Variants in SOX5 observed in about 807,000 individuals in gnomAD.
SOX5 encodes SRY-box transcription factor 5, also known as transcription factor SOX-5.
Under a neutral mutation model 92.0 loss-of-function variants are expected in SOX5, and 9 were observed. The ratio of observed to expected loss-of-function variants is 0.10; its 90% confidence interval spans 0.06 to 0.17. SOX5 has a LOEUF of 0.17. Among genes scored for constraint, SOX5 ranks in the 10% least tolerant of loss-of-function variants. The probability of loss-of-function intolerance (pLI) is 1.00; values close to 1 mark genes in which losing one functional copy is unlikely to be tolerated. For synonymous variants in SOX5, 344 were observed against 336.3 expected, an observed-to-expected ratio of 1.02 and a Z score of -0.25; for missense variants, 642 against 944.5, an observed-to-expected ratio of 0.68 and a Z score of 4.20.
rs188101137 is a variant in SOX5, at chr12:23,711,886, C to A, written c.810+22798G>T. 1.6e-3 allele frequency among the ~76,000 whole-genome samples: 244 copies of A among 152,232 alleles called. 1 individual carries two copies. The highest frequency in any genetic ancestry group is 6.4e-3 in the South Asian group (31 of 4,820). On this transcript the variant is annotated intron_variant, in intron 6 of 14. Transcript: ENST00000451604. The stretch of plus-strand genomic sequence containing the variant: ...GATGCTATTAATATTTTCTTTTTAA[C>A]CACCATTTACCAAGTACCCTCTTTT...
chr12:24,053,777 T>G (rs959965104), intron 4 of SOX5, among the ~76,000 whole-genome samples: 1 of 152,234 alleles, frequency 6.6e-6, no homozygotes, highest in African/African-American at 2.4e-5. Context: ...ATTCTATATT[T>G]CATATTTAAT....
rs149653241 is a variant in SOX5 at position 24,271,012 on chromosome 12, T to C, written c.-77+6204A>G. Among the ~76,000 whole-genome samples, 349 of 152,346 alleles carry C rather than the reference T, an allele frequency of 2.3e-3. 1 individual carries two copies. Among genetic ancestry groups the C allele is most frequent in the African/African-American group, 8.1e-3 (336 of 41,586 alleles). On this transcript the variant is annotated intron_variant, in intron 3 of 4. Coordinates refer to the SOX5 transcript ENST00000446891. Reference sequence around the variant, plus strand: ...TTCTTCTGACACATATATACACATATTTCTCTAGGATATTTATCTCTAGGA... The same window carrying C: ...TTCTTCTGACACATATATACACATACTTCTCTAGGATATTTATCTCTAGGA...
chr12:23,930,745 C>T (rs1301796131), intron 1 of SOX5, among the ~76,000 whole-genome samples: 1 of 151,694 alleles, frequency 6.6e-6, no homozygotes, highest in African/African-American at 2.4e-5. Context: ...AGAATTTACC[C>T]AAGGGAACTC....
At chr12:24,008,390 C>G (rs1213962559) in intron 4 of SOX5, among the ~76,000 whole-genome samples, 1 of 152,132 alleles carries the variant, frequency 6.6e-6, no homozygotes, top group Non-Finnish European at 1.5e-5. Context: ...TGAAGACACT[C>G]AAGAAGACTT....
chr12:24,231,166 GC>G (rs1335699726), intron 3 of SOX5, among the ~76,000 whole-genome samples: 1 of 152,206 alleles, frequency 6.6e-6, no homozygotes, highest in African/African-American at 2.4e-5. Context: ...GATGAAGAGA[GC>G]CATTATTCAG....
At chr12:23,663,285 C>G (rs2083317477) in intron 7 of SOX5, among the ~76,000 whole-genome samples, 1 of 152,098 alleles carries the variant, frequency 6.6e-6, no homozygotes, top group African/African-American at 2.4e-5. Flanking sequence ...GAAGGGGTAT[C>G]ATTTATAACT....
intron 6 of SOX5, among the ~76,000 whole-genome samples, chr12:23,679,847 A>G (rs1029964549): frequency 6.6e-6 from 1 of 152,200 alleles, no homozygotes. Context: ...AAAATAAGGA[A>G]AACAGCAGAT....
chr12:24,151,093 T>C (rs1226860427), intron 4 of SOX5, among the ~76,000 whole-genome samples: 2 of 151,996 alleles, frequency 1.3e-5, no homozygotes, highest in Non-Finnish European at 2.9e-5. Context: ...AAAAATACTG[T>C]GTAACTTATT....
intron 4 of SOX5, among the ~76,000 whole-genome samples, chr12:24,113,435 G>A (rs1036170753): frequency 2.0e-5 from 3 of 151,894 alleles, no homozygotes; most frequent in African/African-American, 7.2e-5. Flanking sequence ...AAAAATTAAT[G>A]TATATTGAAG....
chr12:24,023,447 C>T (rs967609038), intron 4 of SOX5, among the ~76,000 whole-genome samples: 6 of 152,090 alleles, frequency 3.9e-5, no homozygotes, highest in African/African-American at 1.4e-4. Context: ...AATTATCTTG[C>T]AGACAGTTTA....
At chr12:24,045,398 A>C (rs757200923) in intron 4 of SOX5, among the ~76,000 whole-genome samples, 2 of 152,184 alleles carry the variant, frequency 1.3e-5, no homozygotes, top group African/African-American at 2.4e-5. Flanking sequence ...TCCCAGGCTC[A>C]AGAAACCCTC....
At chr12:24,105,927 A>G (rs1946616133) in intron 4 of SOX5, among the ~76,000 whole-genome samples, 1 of 152,326 alleles carries the variant, frequency 6.6e-6, no homozygotes, top group South Asian at 2.1e-4. Context: ...AAATTATTTC[A>G]TTCTTTTCCC....
intron 3 of SOX5, among the ~76,000 whole-genome samples, chr12:23,790,546 T>TCA (rs1235681024): frequency 0.012 from 886 of 75,950 alleles, 5 homozygotes; most frequent in African/African-American, 0.032. Context: ...TCTCTCAATC[T>TCA]CTCACACACA....
intron 9 of SOX5, among the ~76,000 whole-genome samples, chr12:23,598,973 G>A (rs115555805): frequency 0.01 from 1,550 of 152,228 alleles, 9 homozygotes; most frequent in African/African-American, 0.017. Context: ...AAGTAATCTG[G>A]TGTGTATGTG....
chr12:24,241,257 A>G (rs900026253), intron 3 of SOX5, among the ~76,000 whole-genome samples: 1 of 152,320 alleles, frequency 6.6e-6, no homozygotes, highest in Non-Finnish European at 1.5e-5. Flanking sequence ...AGATGAATCT[A>G]GATTTGGGCA....
chr12:24,315,545 T>A (rs1949617473), intron 2 of SOX5, among the ~76,000 whole-genome samples: 3 of 152,096 alleles, frequency 2.0e-5, no homozygotes, highest in Admixed American at 1.3e-4. Flanking sequence ...TGTAAAGACA[T>A]CTCTTCTTCA....
intron 3 of SOX5, among the ~76,000 whole-genome samples, chr12:24,269,046 C>T (rs1346391878): frequency 6.6e-6 from 1 of 152,080 alleles, no homozygotes; most frequent in South Asian, 2.1e-4. Flanking sequence ...GGGATAAATG[C>T]CTTAAAAATT....
At chr12:23,681,828 A>G (rs1446907661) in intron 6 of SOX5, among the ~76,000 whole-genome samples, 4 of 151,852 alleles carry the variant, frequency 2.6e-5, no homozygotes, top group Non-Finnish European at 5.9e-5. Flanking sequence ...TAAAACATTT[A>G]TATGAACATG....
chr12:24,386,506 T>C (rs558848576), intron 1 of SOX5, among the ~76,000 whole-genome samples: 3 of 152,244 alleles, frequency 2.0e-5, no homozygotes, highest in Middle Eastern at 3.4e-3. Flanking sequence ...ATCTTATAAA[T>C]AGAAAAACTG....
Sources: allele counts gnomAD v4.1 joint callset (sites outside exome capture counted in the v4.1 genomes callset), GRCh38; gene constraint gnomAD v4.1.1; transcripts MANE v1.5; gene names NCBI Gene and HGNC (gene_info 2026-07-23, HGNC 2026-07-21).